The following PCDHA3 variants were observed in gnomAD, a reference collection of about 807,000 sequenced individuals.
The protein encoded by PCDHA3 is protocadherin alpha-3.
PCDHA3 carries 41 observed loss-of-function variants against 62.2 expected under a neutral mutation model. That is an observed-to-expected ratio of 0.66 (90% CI 0.51 to 0.86). PCDHA3 has a LOEUF of 0.86. Among genes scored for constraint, PCDHA3 ranks in the 40% least tolerant of loss-of-function variants. PCDHA3 has a pLI of 0.00. For synonymous variants in PCDHA3, 640 were observed against 555.4 expected, an observed-to-expected ratio of 1.15 and a Z score of -2.14; for missense variants, 1,304 against 1,241.2, an observed-to-expected ratio of 1.05 and a Z score of -0.76.
Position 140,853,860 on chromosome 5 carries a change from C to T in PCDHA3, c.2394+50269C>T, listed in dbSNP as rs2042890748. The T allele has an allele frequency of 9.1e-6, 9 of 984,410 alleles. No individual in the cohort carries two copies. In the South Asian group the frequency reaches 3.3e-4, roughly 36 times the overall value. The allele number at this position is 984,410 out of a possible 1,614,324, so 61.0% of individuals were successfully genotyped here. On this transcript the variant is annotated intron_variant, in intron 1 of 3. Coordinates refer to ENST00000522353, the MANE Select transcript of PCDHA3 (RefSeq NM_018906.3). ...TTTAGATCCATAGCCCTATTTGATA[C>T]TTGACAGTGCAAGTTTCTGTAATTT...
intron 1 of PCDHA3, among the ~76,000 whole-genome samples, chr5:140,908,732 A>G (rs909800763): frequency 6.6e-6 from 1 of 152,200 alleles, no homozygotes; most frequent in African/African-American, 2.4e-5. Flanking sequence ...ATATGGCTCG[A>G]GAAACAGAGC....
intron 1 of PCDHA3, chr5:140,836,860 A>G: frequency 1.3e-6 from 1 of 774,528 alleles, no homozygotes; most frequent in East Asian, 2.8e-5. Context: ...TTATTTTTTA[A>G]TGTTATGCTG....
chr5:140,910,791 G>A (rs1471299729), intron 1 of PCDHA3, among the ~76,000 whole-genome samples: 2 of 152,140 alleles, frequency 1.3e-5, no homozygotes, highest in Non-Finnish European at 2.9e-5. Context: ...ATTAAATGCA[G>A]AATCCCTGCT....
chr5:140,819,774 A>G (rs1344723205), intron 1 of PCDHA3, among the ~76,000 whole-genome samples: 3 of 152,082 alleles, frequency 2.0e-5, no homozygotes, highest in Admixed American at 2.0e-4. Context: ...TGAAATATCT[A>G]TATAAGTACA....
intron 3 of PCDHA3, among the ~76,000 whole-genome samples, chr5:140,992,671 T>C (rs932477687): frequency 1.3e-5 from 2 of 152,116 alleles, no homozygotes; most frequent in African/African-American, 4.8e-5. Context: ...GGTGTGTATG[T>C]GTGTGTTAGG....
At chr5:140,885,864 GA>G (rs1267536827) in intron 1 of PCDHA3, among the ~76,000 whole-genome samples, 5 of 151,842 alleles carry the variant, frequency 3.3e-5, no homozygotes, top group African/African-American at 4.8e-5. Context: ...CTTTTCTATT[GA>G]AAAAAAATTT....
At chr5:140,865,102 A>G (rs1251688673) in intron 1 of PCDHA3, 2 of 152,206 alleles carry the variant, frequency 1.3e-5, no homozygotes, top group Non-Finnish European at 2.9e-5. Context: ...AGGCACTTCC[A>G]CTTGACAATT....
intron 1 of PCDHA3, among the ~76,000 whole-genome samples, chr5:140,922,269 T>C (rs782114145): frequency 1.3e-5 from 2 of 152,214 alleles, no homozygotes; most frequent in Non-Finnish European, 2.9e-5. Context: ...GCCATGAAGA[T>C]TGGACCAAGA....
At chr5:140,944,378 A>G (rs1204116678) in intron 1 of PCDHA3, among the ~76,000 whole-genome samples, 1 of 151,884 alleles carries the variant, frequency 6.6e-6, no homozygotes, top group Admixed American at 6.6e-5. Flanking sequence ...ATAGAGATGG[A>G]GTCTCACTGT....
chr5:140,947,772 G>A (rs77655739), intron 1 of PCDHA3, among the ~76,000 whole-genome samples: 3,551 of 151,528 alleles, frequency 0.023, 49 homozygotes, highest in Middle Eastern at 0.034. Flanking sequence ...AAATTCTATT[G>A]TAAATGGATT....
chr5:140,909,491 A>G (rs1031839388), intron 1 of PCDHA3, among the ~76,000 whole-genome samples: 5 of 152,218 alleles, frequency 3.3e-5, no homozygotes, highest in Non-Finnish European at 7.3e-5. Context: ...GGAGAGCTGA[A>G]CGGGGATGTG....
At chr5:140,834,972 C>T (rs1275898995) in intron 1 of PCDHA3, 3 of 1,500,634 alleles carry the variant, frequency 2.0e-6, no homozygotes, top group East Asian at 4.8e-5. Context: ...ACTTGTATTA[C>T]GGAAACTTTT....
intron 1 of PCDHA3, chr5:140,842,120 T>A: frequency 6.2e-7 from 1 of 1,613,882 alleles, no homozygotes; most frequent in Non-Finnish European, 8.5e-7. Context: ...ACTGAATGCT[T>A]CTGATCCGGA....
In PCDHA3 at chr5:140,882,915, A is replaced by G. The variant is rs374032403; in HGVS notation, c.2394+79324A>G. The G allele has an allele frequency of 9.7e-5, 156 of 1,614,110 alleles. No individual in the cohort carries two copies. Among genetic ancestry groups the G allele is most frequent in the Non-Finnish European group, 1.2e-4 (140 of 1,180,046 alleles). ...CATAGTTTATTACTGACAGCCAGTG[A>G]TGGAGGTAAACCCGAGCTGACTGGC... is the stretch of plus-strand genomic sequence containing the variant. On this transcript the variant is annotated intron_variant, in intron 1 of 3. Transcript: ENST00000522353.
intron 1 of PCDHA3, chr5:140,884,551 G>C (rs782613034): frequency 1.2e-6 from 2 of 1,614,134 alleles, no homozygotes; most frequent in Non-Finnish European, 1.7e-6. Flanking sequence ...TGTGCTCTGG[G>C]GAGGGCCCGC....
intron 1 of PCDHA3, chr5:140,814,920 C>A (rs2126660110): frequency 2.6e-5 from 4 of 152,204 alleles, no homozygotes; most frequent in South Asian, 2.1e-4. Flanking sequence ...GGTGAATTGA[C>A]CTTTTATCAT....
At chr5:140,830,407 T>G in intron 1 of PCDHA3, 24 of 1,614,170 alleles carry the variant, frequency 1.5e-5, no homozygotes, top group Non-Finnish European at 2.0e-5. Context: ...TCATGGCCTT[T>G]AGCCCCAGCC....
rs1763493393 is a variant in PCDHA3, at chr5:140,805,022, G to A, written c.2394+1431G>A. ...AATTTAGTTCTGTTATCAGCTTCTTGAATATAATAGAGTCAGCCAAAGTAC... is the reference window on the plus strand; with the variant it reads ...AATTTAGTTCTGTTATCAGCTTCTTAAATATAATAGAGTCAGCCAAAGTAC... On this transcript the variant is annotated intron_variant, in intron 1 of 3. Coordinates refer to ENST00000522353, the MANE Select transcript of PCDHA3 (RefSeq NM_018906.3). 22 of 1,571,950 alleles carry A rather than the reference G, an allele frequency of 1.4e-5. No individual in the cohort carries two copies. In the East Asian group the frequency reaches 5.0e-4, roughly 36 times the overall value.
rs559205841 is a variant in PCDHA3 at position 140,922,691 on chromosome 5, C to G, written c.2395-56258C>G. On this transcript the variant is annotated intron_variant, in intron 1 of 3. Coordinates refer to ENST00000522353, the MANE Select transcript of PCDHA3 (RefSeq NM_018906.3). ...GCAGTAAAAAAGTGAACAGGCTCTGCTTCCATACAGTCAAGAACAAAAAGA... is the reference window on the plus strand; with the variant it reads ...GCAGTAAAAAAGTGAACAGGCTCTGGTTCCATACAGTCAAGAACAAAAAGA... 2.0e-4 allele frequency among the ~76,000 whole-genome samples: 30 copies of G among 152,262 alleles called. No individual in the cohort carries two copies. In the South Asian group the frequency reaches 6.0e-3, roughly 31 times the overall value.
Sources: gnomAD v4.1 joint callset for allele counts (sites outside exome capture counted in the v4.1 genomes callset) on GRCh38, gnomAD v4.1.1 for gene constraint, MANE v1.5 for transcripts, NCBI Gene and HGNC (gene_info 2026-07-23, HGNC 2026-07-21) for gene names.